Variants in AGBL4 observed in about 807,000 individuals in gnomAD.
AGBL4 encodes the protein cytosolic carboxypeptidase 6.
Under a neutral mutation model 66.4 loss-of-function variants are expected in AGBL4, and 58 were observed. That is an observed-to-expected ratio of 0.87 (90% CI 0.71 to 1.09). The LOEUF (loss-of-function observed/expected upper bound fraction) is 1.09, where lower values mean the gene tolerates loss of function less well. AGBL4 is among the 50% of genes least tolerant of loss of function. The pLI, the probability that AGBL4 is intolerant of heterozygous loss-of-function variation, is 0.00. For missense variants in AGBL4, 579 were observed against 631.0 expected (o/e 0.92, Z 0.88); for synonymous variants, 234 against 222.9 (o/e 1.05, Z -0.44).
At chr1:49,578,736 T>C (rs1408290229) in intron 3 of AGBL4, among the ~76,000 whole-genome samples, 2 of 152,234 alleles carry the variant, frequency 1.3e-5, no homozygotes, top group Non-Finnish European at 2.9e-5. Context: ...CGTTGTATTA[T>C]GTTAATTGTA....
intron 3 of AGBL4, among the ~76,000 whole-genome samples, chr1:49,510,683 C>T (rs1305736360): frequency 2.6e-5 from 4 of 151,370 alleles, no homozygotes; most frequent in African/African-American, 9.7e-5. Context: ...AATGGTAATG[C>T]CTAGGTTTTC....
intron 3 of AGBL4, among the ~76,000 whole-genome samples, chr1:49,543,905 C>T (rs1209957175): frequency 6.6e-6 from 1 of 152,100 alleles, no homozygotes; most frequent in Non-Finnish European, 1.5e-5. Flanking sequence ...CTGGAAAAAA[C>T]AAAAAACTGT....
At chr1:49,840,854 A>G (rs1645973215) in intron 2 of AGBL4, among the ~76,000 whole-genome samples, 1 of 152,218 alleles carries the variant, frequency 6.6e-6, no homozygotes, top group Non-Finnish European at 1.5e-5. Flanking sequence ...GACATACCTC[A>G]ACATAATAAG....
intron 3 of AGBL4, among the ~76,000 whole-genome samples, chr1:49,343,473 A>G (rs1645580613): frequency 6.6e-6 from 1 of 152,190 alleles, no homozygotes; most frequent in African/African-American, 2.4e-5. Flanking sequence ...AGTTCTTTGC[A>G]TGTTTGGATC....
intron 4 of AGBL4, among the ~76,000 whole-genome samples, chr1:49,079,569 G>A (rs1644771434): frequency 6.6e-6 from 1 of 152,080 alleles, no homozygotes; most frequent in South Asian, 2.1e-4. Context: ...TGACACGTGG[G>A]GATTACAGGT....
At chr1:50,015,556 C>T (rs2148444123) in intron 1 of AGBL4, among the ~76,000 whole-genome samples, 1 of 152,268 alleles carries the variant, frequency 6.6e-6, no homozygotes, top group South Asian at 2.1e-4. Context: ...AGTTGGGAGG[C>T]TGAGATGAGA....
chr1:49,411,842 A>G (rs1279708838), intron 3 of AGBL4, among the ~76,000 whole-genome samples: 2 of 152,222 alleles, frequency 1.3e-5, no homozygotes, highest in African/African-American at 2.4e-5. Flanking sequence ...AGGGGAACAC[A>G]TTGGAAATAG....
intron 11 of AGBL4, chr1:48,584,671 A>T (rs980819686): frequency 6.6e-6 from 1 of 152,528 alleles, no homozygotes; most frequent in Non-Finnish European, 1.5e-5. Flanking sequence ...AGCTGAGATC[A>T]TGCCACTACA....
intron 1 of AGBL4, among the ~76,000 whole-genome samples, chr1:49,938,630 C>G (rs1200366835): frequency 6.6e-6 from 1 of 152,140 alleles, no homozygotes; most frequent in Non-Finnish European, 1.5e-5. Flanking sequence ...AACAGCACAT[C>G]AAAAAGCTTA....
intron 4 of AGBL4, among the ~76,000 whole-genome samples, chr1:49,088,685 CA>C (rs1411538070): frequency 6.6e-6 from 1 of 152,074 alleles, no homozygotes; most frequent in Non-Finnish European, 1.5e-5. Flanking sequence ...CAGTATTAGA[CA>C]GATCATCAAG....
chr1:48,525,684 A>G, the AGBL4 span, among the ~76,000 whole-genome samples: 1 of 152,280 alleles, frequency 6.6e-6, no homozygotes, highest in South Asian at 2.1e-4. Context: ...CCAGGACAAG[A>G]GACTTACTTA....
chr1:48,780,841 G>A (rs902114151), intron 6 of AGBL4, among the ~76,000 whole-genome samples: 5 of 152,096 alleles, frequency 3.3e-5, no homozygotes, highest in Admixed American at 1.3e-4. Context: ...GAAAACCTAG[G>A]TAATACCATT....
chr1:49,795,507 C>T (rs1029117963), intron 2 of AGBL4, among the ~76,000 whole-genome samples: 14 of 151,934 alleles, frequency 9.2e-5, no homozygotes, highest in African/African-American at 3.4e-4. Flanking sequence ...TCCTGAGACA[C>T]ATCTGTAGAA....
At chr1:48,890,825 G>A (rs1415820847) in intron 5 of AGBL4, among the ~76,000 whole-genome samples, 2 of 152,206 alleles carry the variant, frequency 1.3e-5, no homozygotes, top group African/African-American at 2.4e-5. Context: ...AGATCGTTAT[G>A]CCCATAGTAA....
intron 1 of AGBL4, among the ~76,000 whole-genome samples, chr1:49,868,647 A>G (rs1322596511): frequency 2.0e-5 from 3 of 152,370 alleles, no homozygotes; most frequent in Admixed American, 1.3e-4. Context: ...AAGTATAAGA[A>G]CCCTAGAAGA....
intron 4 of AGBL4, among the ~76,000 whole-genome samples, chr1:49,125,073 T>G (rs1645738363): frequency 6.6e-6 from 1 of 151,954 alleles, no homozygotes; most frequent in South Asian, 2.1e-4. Flanking sequence ...TACTTTTAAA[T>G]AGATCTATAA....
chr1:49,014,970 T>C (rs982862815), intron 5 of AGBL4, among the ~76,000 whole-genome samples: 4 of 152,224 alleles, frequency 2.6e-5, no homozygotes, highest in East Asian at 3.8e-4. Context: ...ACAGTCTTTC[T>C]CTTTCTAGTA....
chr1:49,773,246 T>G (rs116257604), intron 2 of AGBL4, among the ~76,000 whole-genome samples: 18 of 152,374 alleles, frequency 1.2e-4, no homozygotes, highest in African/African-American at 4.3e-4. Context: ...TTCCTGATTT[T>G]ACTGACTTGT....
intron 5 of AGBL4, among the ~76,000 whole-genome samples, chr1:48,985,853 T>A (rs930067689): frequency 2.0e-5 from 3 of 151,926 alleles, no homozygotes; most frequent in Admixed American, 2.0e-4. Flanking sequence ...AGGAAAATAG[T>A]CATATCAAAA....
Sources: gnomAD v4.1 joint callset for allele counts (sites outside exome capture counted in the v4.1 genomes callset) on GRCh38, gnomAD v4.1.1 for gene constraint, MANE v1.5 for transcripts, NCBI Gene and HGNC (gene_info 2026-07-23, HGNC 2026-07-21) for gene names.